The following TXNL4A variants were observed in gnomAD, a reference collection of about 807,000 sequenced individuals.
The protein encoded by TXNL4A is thioredoxin like 4A, also known as thioredoxin-like protein 4A.
Under a neutral mutation model 14.6 loss-of-function variants are expected in TXNL4A, and 17 were observed. That is an observed-to-expected ratio of 1.16 (90% CI 0.80 to 1.74). TXNL4A has a LOEUF of 1.74. TXNL4A is among the 40% of genes most tolerant of loss of function. The pLI is 0.00. For synonymous variants in TXNL4A, 83 were observed against 70.6 expected, an observed-to-expected ratio of 1.18 and a Z score of -0.88; for missense variants, 74 against 195.2, an observed-to-expected ratio of 0.38 and a Z score of 3.70.
Position 79,972,424 on chromosome 18 carries a change from G to C in TXNL4A, c.*1261C>G, listed in dbSNP as rs1160991147. ...CCCAACCAACCATCCACACTGCTAGGATGACAGAGGGCAAGAGAAACCTGA... is the reference window on the plus strand; with the variant it reads ...CCCAACCAACCATCCACACTGCTAGCATGACAGAGGGCAAGAGAAACCTGA... On this transcript the variant is annotated 3_prime_UTR_variant, in exon 3 of 3. Transcript: ENST00000269601. 6.6e-6 allele frequency: 1 copy of C among 152,322 alleles called. No individual in the cohort carries two copies. Among genetic ancestry groups the C allele is most frequent in the Non-Finnish European group, 1.5e-5 (1 of 68,140 alleles). The allele number at this position is 152,322 out of a possible 1,614,324, so 9.4% of individuals were successfully genotyped here. A position where few individuals can be genotyped will look rare whatever the true frequency, so the allele number is the denominator to read the frequency against.
Position 79,988,485 on chromosome 18 carries a change from CG to C in TXNL4A, c.-94del. On this transcript the variant is annotated 5_prime_UTR_variant, in exon 1 of 3. Coordinates refer to ENST00000269601, the MANE Select transcript of TXNL4A (RefSeq NM_006701.5). ...CGGCCCCTCACTCCCCGGCCCCCGC[CG>C]CCCCCGGGCCCACGGACGAAATCCG... 8.1e-7 allele frequency: 1 copy of C among 1,228,892 alleles called. No individual in the cohort carries two copies. Among genetic ancestry groups the C allele is most frequent in the Non-Finnish European group, 1.0e-6 (1 of 976,622 alleles). The allele number at this position is 1,228,892 out of a possible 1,614,324, so 76.1% of individuals were successfully genotyped here.
At chr18:79,977,806 G>A (rs1316750303) in intron 1 of TXNL4A, 105 bp from the exon 2 acceptor site, 7 of 771,590 alleles carry the variant, frequency 9.1e-6, no homozygotes, top group Non-Finnish European at 1.5e-5. Context: ...GTGGATCAGG[G>A]CAATTTTTGT....
chr18:80,009,578 T>C (rs1166787269), intron 1 of TXNL4A, among the ~76,000 whole-genome samples: 1 of 152,078 alleles, frequency 6.6e-6, no homozygotes, highest in Admixed American at 6.6e-5. Context: ...GAGGAAGAAA[T>C]AGTTTTAAGG....
chr18:80,012,018 C>G (rs2051773403), intron 1 of TXNL4A, among the ~76,000 whole-genome samples: 1 of 152,088 alleles, frequency 6.6e-6, no homozygotes, highest in South Asian at 2.1e-4. Context: ...AGCTTGTAAA[C>G]CAATAAATTA....
At chr18:79,991,107 CAAA>C (rs34442066), upstream of TXNL4A, among the ~76,000 whole-genome samples, 40 of 91,582 alleles carry the variant, frequency 4.4e-4, no homozygotes, top group Non-Finnish European at 5.7e-4. Flanking sequence ...GACTCCGTCT[CAAA>C]AAAAAAAAAA....
At chr18:80,026,267 C>T (rs2051883820) in intron 1 of TXNL4A, among the ~76,000 whole-genome samples, 1 of 152,154 alleles carries the variant, frequency 6.6e-6, no homozygotes, top group African/African-American at 2.4e-5. Flanking sequence ...ACAGCTAAAG[C>T]AATTAACTTC....
chr18:80,022,216 A>C (rs1479117799), intron 1 of TXNL4A, among the ~76,000 whole-genome samples: 2 of 152,116 alleles, frequency 1.3e-5, no homozygotes, highest in Non-Finnish European at 2.9e-5. Context: ...GAAGTTGGGA[A>C]TTTCTTGAGG....
intron 1 of TXNL4A, among the ~76,000 whole-genome samples, chr18:80,020,987 C>T (rs1025868937): frequency 2.6e-5 from 4 of 152,098 alleles, no homozygotes; most frequent in East Asian, 1.9e-4. Context: ...AAATAAAGAG[C>T]GTTAGTGCCT....
chr18:80,012,911 C>T (rs2051779962), intron 1 of TXNL4A, among the ~76,000 whole-genome samples: 1 of 151,702 alleles, frequency 6.6e-6, no homozygotes, highest in African/African-American at 2.4e-5. Flanking sequence ...GAAAGGCGGC[C>T]GGCCGCCCCC....
intron 1 of TXNL4A, among the ~76,000 whole-genome samples, chr18:80,024,424 G>A (rs1172774009): frequency 1.3e-5 from 2 of 152,106 alleles, no homozygotes; most frequent in Non-Finnish European, 2.9e-5. Context: ...CGTATATTTT[G>A]TGTGATCATT....
chr18:79,984,380 G>A (rs1335735738), intron 1 of TXNL4A, among the ~76,000 whole-genome samples: 1 of 130,296 alleles, frequency 7.7e-6, no homozygotes, highest in Non-Finnish European at 1.7e-5. Context: ...GCTCACTTGA[G>A]GACAGGAGTT....
chr18:79,998,356 CA>C, intron 1 of TXNL4A, among the ~76,000 whole-genome samples: 2 of 152,120 alleles, frequency 1.3e-5, no homozygotes, highest in Middle Eastern at 3.4e-3. Context: ...CCTCTCTATG[CA>C]TACCTAAAAA....
intron 1 of TXNL4A, among the ~76,000 whole-genome samples, chr18:79,984,774 CACTGAGACTATTTTAA>C (rs1481227172): frequency 1.3e-5 from 2 of 152,164 alleles, no homozygotes; most frequent in Non-Finnish European, 2.9e-5. Context: ...ATGCCCAGCT[CACTGAGACTATTTTAA>C]ACTCTATTTG....
At position 79,977,626 on chromosome 18, in the gene TXNL4A, C is replaced by CT; in HGVS notation, c.228_229insA (p.Asp77ArgfsTer17). 1 of 1,610,328 alleles carries CT rather than the reference C, an allele frequency of 6.2e-7. No homozygotes were observed. ...AAGAAAAACATGACAGTACATGGAT[C>CT]GTATAACTCATACATTTTGTTGAAG... is the stretch of plus-strand genomic sequence containing the variant. On this transcript the variant is annotated frameshift_variant, in exon 2 of 3. Transcript: ENST00000269601. LOFTEE classifies it high-confidence loss of function.
At chr18:79,994,192 C>G (rs1432358537) in intron 1 of TXNL4A, among the ~76,000 whole-genome samples, 1 of 152,196 alleles carries the variant, frequency 6.6e-6, no homozygotes, top group Non-Finnish European at 1.5e-5. Flanking sequence ...ACCACTATAA[C>G]CAAAGTAGTT....
Position 80,033,349 on chromosome 18 carries a change from G to C in TXNL4A, c.-61+502C>G, listed in dbSNP as rs574533715. 7.9e-5 allele frequency among the ~76,000 whole-genome samples: 12 copies of C among 152,252 alleles called. No individual in the cohort carries two copies. In the South Asian group the frequency reaches 2.1e-3, roughly 26 times the overall value. ...ACACCACAGCAGCCGCCTCGGGGGA[G>C]TCACAGCCCACGCATCCCCAACACT... On this transcript the variant is annotated intron_variant, in intron 1 of 2. Coordinates refer to the TXNL4A transcript ENST00000585474.
intron 2 of TXNL4A, among the ~76,000 whole-genome samples, chr18:79,975,707 A>C (rs2051368400): frequency 6.6e-6 from 1 of 152,192 alleles, no homozygotes; most frequent in African/African-American, 2.4e-5. Flanking sequence ...AACGGAGAAA[A>C]GGGGACCCCC....
chr18:79,974,829 C>T (rs2051354514), intron 2 of TXNL4A, among the ~76,000 whole-genome samples: 1 of 152,158 alleles, frequency 6.6e-6, no homozygotes, highest in Admixed American at 6.5e-5. Context: ...GGACTCAAAC[C>T]CCTAGCTCCA....
Position 79,988,294 on chromosome 18 carries a change from G to A in TXNL4A, c.99C>T (p.Asp33=). 6.2e-7 allele frequency: 1 copy of A among 1,604,614 alleles called. No individual in the cohort carries two copies. Among genetic ancestry groups the A allele is most frequent in the Non-Finnish European group, 8.5e-7 (1 of 1,174,070 alleles). The part of the protein sequence containing the change: ...DRVVVIRFGH[D]WDPTCMKMDE... The stretch of plus-strand genomic sequence containing the variant: ...CCATCTTCATGCACGTAGGATCCCA[G>A]TCGTGGCCGAAGCGGATGACGACCA... Residue 33 remains aspartate (D), a synonymous_variant, in exon 1 of 3, where the codon GAC becomes GAT. Transcript: ENST00000269601.
Sources: allele counts gnomAD v4.1 joint callset (sites outside exome capture counted in the v4.1 genomes callset), GRCh38; gene constraint gnomAD v4.1.1; transcripts MANE v1.5; gene names NCBI Gene and HGNC (gene_info 2026-07-23, HGNC 2026-07-21).